LDLRAD2: variants seen among roughly 807,000 people sequenced by gnomAD.
LDLRAD2 encodes low-density lipoprotein receptor class A domain-containing protein 2.
A neutral mutation model predicts 24.9 loss-of-function variants in LDLRAD2; 25 were observed. The observed-to-expected ratio is 1.00, with a 90% CI of 0.73 to 1.40. LDLRAD2 has a LOEUF of 1.40. Ranked by LOEUF, LDLRAD2 falls within the 40% of genes most tolerant of loss-of-function variation. LDLRAD2 has a pLI of 0.00. For synonymous variants in LDLRAD2, 182 were observed against 166.7 expected, an observed-to-expected ratio of 1.09 and a Z score of -0.71; for missense variants, 391 against 366.2, an observed-to-expected ratio of 1.07 and a Z score of -0.55.
chr1:21,814,508 C>T lies in LDLRAD2; in HGVS notation c.196C>T (p.Leu66Phe). The part of the protein sequence containing the change: ...YFVAPDTDCG[L>F]WVQAAAPGDR... ...CGTGGCTCCGGACACCGACTGCGGG[C>T]TCTGGGTGCAGGCGGCAGCCCCCGG... Residue 66 changes from leucine to phenylalanine, a missense_variant, in exon 2 of 5, where the codon CTC becomes TTC. Physicochemically the swap from Leu to Phe is conservative, Grantham distance 22. Coordinates refer to ENST00000344642, the MANE Select transcript of LDLRAD2 (RefSeq NM_001013693.3). The T allele has an allele frequency of 6.2e-7, 1 of 1,612,654 alleles. No individual in the cohort carries two copies. Among genetic ancestry groups the T allele is most frequent in the Non-Finnish European group, 8.5e-7 (1 of 1,179,744 alleles).
Position 21,824,771 on chromosome 1 carries a change from CAGG to C in LDLRAD2, c.*2557_*2559del. The C allele has an allele frequency of 6.2e-7, 1 of 1,612,464 alleles. No homozygotes were observed. The highest frequency in any genetic ancestry group is 8.5e-7 in the Non-Finnish European group (1 of 1,179,426). ...TCGTGGAAATAGGCTCCGTACTGCCCAGGGGCATCTGTGGGAGAGAGGAGGGTG... is the reference window on the plus strand; with the variant it reads ...TCGTGGAAATAGGCTCCGTACTGCCCGGCATCTGTGGGAGAGAGGAGGGTG... On this transcript the variant is annotated 3_prime_UTR_variant, in exon 5 of 5. Transcript: ENST00000344642. The surrounding 1 kb of genome is among the most constrained non-coding windows in gnomAD (Gnocchi z 5.9).
intron 2 of LDLRAD2, among the ~76,000 whole-genome samples, chr1:21,815,406 G>C (rs2097942897): frequency 6.6e-6 from 1 of 152,224 alleles, no homozygotes; most frequent in African/African-American, 2.4e-5. Context: ...GCAGAAGGGT[G>C]TGCTTAGGAC....
Position 21,824,639 on chromosome 1 carries a change from G to A in LDLRAD2, c.*2424G>A. The A allele has an allele frequency of 6.2e-7, 1 of 1,613,886 alleles. No individual in the cohort carries two copies. On this transcript the variant is annotated 3_prime_UTR_variant, in exon 5 of 5. Coordinates refer to ENST00000344642, the MANE Select transcript of LDLRAD2 (RefSeq NM_001013693.3). This position sits in a 1 kb window ranked among gnomAD's most constrained non-coding sequence, Gnocchi z 5.9. ...GGCTGCGGAGGAAGAGCGGGTGAGG[G>A]GACAGAAGTCCCAGATTCCCATCCT...
chr1:21,819,854 G>A (rs2097948367), intron 3 of LDLRAD2, among the ~76,000 whole-genome samples: 1 of 152,184 alleles, frequency 6.6e-6, no homozygotes, highest in Admixed American at 6.5e-5. Context: ...TATACAGGAA[G>A]CATGATGCTG....
At position 21,821,746 on chromosome 1, in the gene LDLRAD2, G is replaced by A. The variant is rs573322172; in HGVS notation, c.805+135G>A. 10 of 1,494,790 alleles carry A rather than the reference G, an allele frequency of 6.7e-6. No individual in the cohort carries two copies. The East Asian group carries it at 9.3e-5, about 14-fold the overall frequency. 92.6% of individuals were successfully genotyped at this position (1,494,790 alleles called of 1,614,324 possible). A position where few individuals can be genotyped will look rare whatever the true frequency, so the allele number is the denominator to read the frequency against. ...CAGGCCCCCAGCTCTGAGGGGTGGCGCTGGCCTCCTCGATGCTCCTGGCCT... is the reference window on the plus strand; with the variant it reads ...CAGGCCCCCAGCTCTGAGGGGTGGCACTGGCCTCCTCGATGCTCCTGGCCT... On this transcript the variant is annotated intron_variant, in intron 4 of 4. Transcript: ENST00000344642.
At chr1:21,818,901 TCCTCCCTGCCCCACCC>T (rs896001394) in intron 3 of LDLRAD2, among the ~76,000 whole-genome samples, 5 of 31,776 alleles carry the variant, frequency 1.6e-4, no homozygotes, top group Admixed American at 7.4e-4. Context: ...TGGCCCCGCC[TCCTCCCTGCCCCACCC>T]CCTCCCTGGC....
chr1:21,821,143 G>A (rs1029516423), intron 3 of LDLRAD2, among the ~76,000 whole-genome samples: 1 of 152,240 alleles, frequency 6.6e-6, no homozygotes, highest in African/African-American at 2.4e-5. Flanking sequence ...GTTGCAGTGA[G>A]TGGTGATTGC....
Position 21,823,000 on chromosome 1 carries a change from T to A in LDLRAD2, c.*785T>A, listed in dbSNP as rs990678309. On this transcript the variant is annotated 3_prime_UTR_variant, in exon 5 of 5. Transcript: ENST00000344642. ...CAGAAACAGGCCACCCAGCTCTATC[T>A]GGGGGCTCCATCGGTGGGTAGGGGG... 3 of 262,030 alleles carry A rather than the reference T, an allele frequency of 1.1e-5. No homozygotes were observed. The East Asian group carries it at 2.1e-4, about 19-fold the overall frequency. 16.2% of individuals were successfully genotyped at this position (262,030 alleles called of 1,614,324 possible). A position where few individuals can be genotyped will look rare whatever the true frequency, so the allele number is the denominator to read the frequency against.
Position 21,824,436 on chromosome 1 carries a change from C to A in LDLRAD2, c.*2221C>A. ...GCCTGGAGAGCAGAGGCTGCCGAGG[C>A]CAGGGGGCTCTGCTTTCCCCTCCCC... On this transcript the variant is annotated 3_prime_UTR_variant, in exon 5 of 5. Transcript: ENST00000344642. The surrounding 1 kb of genome is among the most constrained non-coding windows in gnomAD (Gnocchi z 5.9). 3 of 1,602,812 alleles carry A rather than the reference C, an allele frequency of 1.9e-6. No individual in the cohort carries two copies. The highest frequency in any genetic ancestry group is 1.3e-5 in the African/African-American group (1 of 74,848).
intron 3 of LDLRAD2, 59 bp from the exon 4 acceptor site, chr1:21,821,391 A>C: frequency 6.2e-7 from 1 of 1,601,502 alleles, no homozygotes; most frequent in Non-Finnish European, 8.5e-7. Flanking sequence ...TGAATGAAAC[A>C]CACAAGTGTC....
chr1:21,818,986 C>G (rs1301640170), intron 3 of LDLRAD2, among the ~76,000 whole-genome samples: 1 of 150,154 alleles, frequency 6.7e-6, no homozygotes, highest in South Asian at 2.1e-4. Flanking sequence ...GTGTCCTCTA[C>G]CAGAAGACTT....
intron 3 of LDLRAD2, among the ~76,000 whole-genome samples, chr1:21,820,871 G>A (rs570037036): frequency 3.3e-5 from 5 of 152,168 alleles, no homozygotes; most frequent in Non-Finnish European, 5.9e-5. Context: ...CATAGGTAAC[G>A]GGCCCAGCAC....
In LDLRAD2 at chr1:21,822,070, G is replaced by A. The variant is rs186541605; in HGVS notation, c.806-132G>A. 11 of 1,550,914 alleles carry A rather than the reference G, an allele frequency of 7.1e-6. No individual in the cohort carries two copies. The East Asian group carries it at 1.2e-4, about 16-fold the overall frequency. The stretch of plus-strand genomic sequence containing the variant: ...TGTTGGACAGGCCCCCTAACCCTCT[G>A]AGACTCAGCTGCCCCTCTAGAAAAT... On this transcript the variant is annotated intron_variant, in intron 4 of 4. Transcript: ENST00000344642.
chr1:21,820,786 A>G lies in LDLRAD2; in HGVS notation c.644-664A>G, dbSNP rs376911443. Among the ~76,000 whole-genome samples, 23 of 152,356 alleles carry G rather than the reference A, an allele frequency of 1.5e-4. No homozygotes were observed. In the East Asian group the frequency reaches 4.4e-3, roughly 29 times the overall value. ...CAAATGAATGGAAGAAGGAACCTCT[A>G]TGCCTCAGTTTCCTTATCTGTGAAA... On this transcript the variant is annotated intron_variant, in intron 3 of 4. Transcript: ENST00000344642.
Position 21,823,666 on chromosome 1 carries a change from C to G in LDLRAD2, c.*1451C>G, listed in dbSNP as rs142762124. ...GACTGCCACGTTGGGACCTGGGGAC[C>G]GGCCGCTGACCAGCTCCTCACCGTC... On this transcript the variant is annotated 3_prime_UTR_variant, in exon 5 of 5. Coordinates refer to ENST00000344642, the MANE Select transcript of LDLRAD2 (RefSeq NM_001013693.3). The G allele has an allele frequency of 1.4e-4, 231 of 1,613,548 alleles. No individual in the cohort carries two copies. Among genetic ancestry groups the G allele is most frequent in the Non-Finnish European group, 1.8e-4 (213 of 1,179,958 alleles).
intron 3 of LDLRAD2, 86 bp from the exon 4 acceptor site, chr1:21,821,364 G>T: frequency 6.5e-7 from 1 of 1,536,390 alleles, no homozygotes; most frequent in South Asian, 1.2e-5. Context: ...ACAAACTCAG[G>T]GAAGTCTTGT....
intron 3 of LDLRAD2, among the ~76,000 whole-genome samples, chr1:21,820,600 G>A (rs866205143): frequency 2.6e-5 from 4 of 151,222 alleles, no homozygotes; most frequent in Non-Finnish European, 5.9e-5. Context: ...TTTCTCACTA[G>A]CATCTATCTC....
At chr1:21,817,742 T>A (rs1032092907) in intron 3 of LDLRAD2, among the ~76,000 whole-genome samples, 3 of 152,238 alleles carry the variant, frequency 2.0e-5, no homozygotes, top group Admixed American at 2.0e-4. Context: ...ATGAGACATT[T>A]GTTTTAATTA....
At chr1:21,815,425 C>T (rs1372090078) in intron 2 of LDLRAD2, among the ~76,000 whole-genome samples, 1 of 152,224 alleles carries the variant, frequency 6.6e-6, no homozygotes, top group Non-Finnish European at 1.5e-5. Context: ...ACTCGCCAGG[C>T]CTGTAGGCAG....
Sources: gnomAD v4.1 joint callset for allele counts (sites outside exome capture counted in the v4.1 genomes callset) on GRCh38, gnomAD v4.1.1 for gene constraint, Gnocchi (gnomAD v3.1) non-coding constraint, MANE v1.5 for transcripts, NCBI Gene and HGNC (gene_info 2026-07-23, HGNC 2026-07-21) for gene names.